Variants in PSMA2 observed in about 807,000 individuals in gnomAD.
PSMA2 encodes proteasome 20S subunit alpha 2, also known as proteasome subunit alpha type-2.
In PSMA2, 2 loss-of-function variants were observed where a neutral mutation model predicts 35.9. The observed-to-expected ratio is 0.06, with a 90% CI of 0.02 to 0.18. The LOEUF (loss-of-function observed/expected upper bound fraction) is 0.18. PSMA2 is among the 10% of genes least tolerant of loss of function. PSMA2 has a pLI of 1.00. For synonymous variants in PSMA2, 97 were observed against 98.2 expected (o/e 0.99, Z 0.07); for missense variants, 126 against 278.8 (o/e 0.45, Z 3.90).
At chr7:42,919,445 A>T in intron 6 of PSMA2, 1 of 543,494 alleles carries the variant, frequency 1.8e-6, no homozygotes, top group Non-Finnish European at 3.7e-6. Context: ...AACCCGAAGC[A>T]GAACCTGAGG....
At chr7:42,931,239 G>C (rs1463633387) in intron 1 of PSMA2, 9 of 413,254 alleles carry the variant, frequency 2.2e-5, no homozygotes, top group Non-Finnish European at 4.8e-6. Flanking sequence ...CAACAAGTTA[G>C]ATCCCGCCTG....
At chr7:42,927,353 G>A (rs1365155558) in intron 2 of PSMA2, 30 bp downstream of exon 2, 3 of 1,560,782 alleles carry the variant, frequency 1.9e-6, no homozygotes, top group Non-Finnish European at 2.7e-6. Flanking sequence ...CTACTAACAG[G>A]CATCTGAAAT....
At chr7:42,928,147 C>G (rs771581324) in intron 1 of PSMA2, among the ~76,000 whole-genome samples, 48 of 152,308 alleles carry the variant, frequency 3.2e-4, no homozygotes, top group Admixed American at 2.0e-3. Context: ...GACTACAGGA[C>G]TTGAATACGC....
chr7:42,924,788 C>T lies in PSMA2; in HGVS notation c.261G>A (p.Val87=), dbSNP rs1786182585. Residue 87 remains valine, a synonymous_variant, in exon 4 of 8, where the codon GTG becomes GTA. Coordinates refer to ENST00000223321, the MANE Select transcript of PSMA2 (RefSeq NM_002787.5). ...GTTGAGCTAGTTTTCGAGCTCTGTG[C>T]ACAAGCACTCTAACAAGGAAAAAAT... ...SGMGPDYRVL[V]HRARKLAQQY... 4.3e-6 allele frequency: 7 copies of T among 1,609,862 alleles called. No homozygotes were observed. Among genetic ancestry groups the T allele is most frequent in the Non-Finnish European group, 5.9e-6 (7 of 1,177,736 alleles).
chr7:42,929,647 A>G (rs185597738), intron 1 of PSMA2, among the ~76,000 whole-genome samples: 12 of 152,270 alleles, frequency 7.9e-5, no homozygotes, highest in Admixed American at 2.0e-4. Flanking sequence ...ACCCCCAGCC[A>G]AAGTTACCTT....
chr7:42,930,824 A>G lies in PSMA2; in HGVS notation c.41+1294T>C, dbSNP rs374649985. ...GAGGCTGCCAAGTCCCTGTCCCTAAAAAAAGGACCACATTTGTTTTCTTCA... is the reference window on the plus strand; with the variant it reads ...GAGGCTGCCAAGTCCCTGTCCCTAAGAAAAGGACCACATTTGTTTTCTTCA... On this transcript the variant is annotated intron_variant, in intron 1 of 7. Transcript: ENST00000223321. 2.3e-3 allele frequency among the ~76,000 whole-genome samples: 356 copies of G among 152,104 alleles called. 1 individual carries two copies. Among genetic ancestry groups the G allele is most frequent in the Admixed American group, 4.1e-3 (63 of 15,284 alleles).
rs1583603762 is a variant in PSMA2, at chr7:42,917,104, G to C, written c.*470C>G. ...TCATAGAGCACCCTAGGATTTCACT[G>C]ATCAATACCTAATGGCACCTAAAAG... is the stretch of plus-strand genomic sequence containing the variant. On this transcript the variant is annotated 3_prime_UTR_variant, in exon 8 of 8. Coordinates refer to ENST00000223321, the MANE Select transcript of PSMA2 (RefSeq NM_002787.5). 1 of 161,548 alleles carries C rather than the reference G, an allele frequency of 6.2e-6. No homozygotes were observed. The highest frequency in any genetic ancestry group is 1.8e-4 in the East Asian group (1 of 5,548). The allele number at this position is 161,548 out of a possible 1,614,324, so 10.0% of individuals were successfully genotyped here.
intron 6 of PSMA2, 112 bp from the exon 7 acceptor site, chr7:42,917,947 C>G (rs1358337167): frequency 1.6e-5 from 11 of 704,526 alleles, no homozygotes; most frequent in Non-Finnish European, 2.0e-5. Flanking sequence ...CTTAAAAATA[C>G]TAAATTACAC....
chr7:42,921,090 C>G (rs950616994), intron 6 of PSMA2: 1 of 152,128 alleles, frequency 6.6e-6, no homozygotes, highest in Non-Finnish European at 1.5e-5. Context: ...TCCAGTAGTA[C>G]AGTCAGGAAA....
chr7:42,928,178 G>T (rs953436052), intron 1 of PSMA2, among the ~76,000 whole-genome samples: 2 of 152,118 alleles, frequency 1.3e-5, no homozygotes, highest in Non-Finnish European at 2.9e-5. Context: ...TATTTGTGGG[G>T]GTACTGAAAT....
At chr7:42,923,048 T>C (rs1004934428) in intron 5 of PSMA2, among the ~76,000 whole-genome samples, 1 of 152,138 alleles carries the variant, frequency 6.6e-6, no homozygotes, top group East Asian at 1.9e-4. Flanking sequence ...AAGTAACAGG[T>C]TTAAATACAT....
intron 6 of PSMA2, chr7:42,919,549 TG>T: frequency 1.9e-6 from 1 of 517,322 alleles, no homozygotes; most frequent in South Asian, 1.6e-5. Flanking sequence ...GTTAAGACTT[TG>T]GGATCATGCT....
intron 6 of PSMA2, chr7:42,920,619 TATC>T (rs919220242): frequency 6.6e-6 from 1 of 152,208 alleles, no homozygotes; most frequent in Non-Finnish European, 1.5e-5. Context: ...AATCATAACA[TATC>T]ATGTAATAAC....
intron 3 of PSMA2, among the ~76,000 whole-genome samples, chr7:42,925,025 C>T (rs1479401727): frequency 6.6e-6 from 1 of 152,112 alleles, no homozygotes; most frequent in Non-Finnish European, 1.5e-5. Flanking sequence ...ATTTAATGTA[C>T]AAAAATGAGA....
intron 1 of PSMA2, among the ~76,000 whole-genome samples, chr7:42,927,831 G>A (rs1257141956): frequency 2.6e-5 from 4 of 151,928 alleles, no homozygotes; most frequent in African/African-American, 9.7e-5. Context: ...GCTTGAATCC[G>A]GGAGGTGGAG....
At chr7:42,926,932 G>A (rs1786225891) in intron 2 of PSMA2, among the ~76,000 whole-genome samples, 1 of 152,190 alleles carries the variant, frequency 6.6e-6, no homozygotes. Context: ...GGATACCTGA[G>A]AGTTCACATG....
At chr7:42,928,563 T>C (rs1234728968) in intron 1 of PSMA2, among the ~76,000 whole-genome samples, 1 of 152,250 alleles carries the variant, frequency 6.6e-6, no homozygotes, top group Non-Finnish European at 1.5e-5. Flanking sequence ...TTCAACCTAG[T>C]TGTTTAAATG....
intron 6 of PSMA2, chr7:42,921,376 T>C (rs1360989384): frequency 6.6e-6 from 1 of 152,362 alleles, no homozygotes; most frequent in Non-Finnish European, 1.5e-5. Context: ...GAGCAGCTTG[T>C]ACTTGGGCAC....
intron 1 of PSMA2, among the ~76,000 whole-genome samples, chr7:42,927,689 T>A (rs1478085233): frequency 6.6e-6 from 1 of 152,206 alleles, no homozygotes; most frequent in Non-Finnish European, 1.5e-5. Context: ...GTGGATCACC[T>A]GAGGTCAGGA....
Sources: allele counts gnomAD v4.1 joint callset (sites outside exome capture counted in the v4.1 genomes callset), GRCh38; gene constraint gnomAD v4.1.1; transcripts MANE v1.5; gene names NCBI Gene and HGNC (gene_info 2026-07-23, HGNC 2026-07-21).